SNX13: variants seen among roughly 807,000 people sequenced by gnomAD.
SNX13 encodes sorting nexin 13, also known as sorting nexin-13.
SNX13 carries 45 observed loss-of-function variants against 133.6 expected under a neutral mutation model. That is an observed-to-expected ratio of 0.34 (90% CI 0.27 to 0.43). The LOEUF (loss-of-function observed/expected upper bound fraction) is 0.43, where lower values mean the gene tolerates loss of function less well. Ranked by LOEUF, SNX13 falls within the 20% of genes least tolerant of loss-of-function variation. The pLI is 1.00. For missense variants in SNX13, 1,032 were observed against 1,145.1 expected, an observed-to-expected ratio of 0.90 and a Z score of 1.43; for synonymous variants, 414 against 373.9, an observed-to-expected ratio of 1.11 and a Z score of -1.24.
At chr7:17,822,768 G>A (rs1051383433) in intron 17 of SNX13, among the ~76,000 whole-genome samples, 23 of 152,306 alleles carry the variant, frequency 1.5e-4, no homozygotes, top group South Asian at 8.3e-4. Context: ...ACAGTGTCAA[G>A]TGTCACCACT....
chr7:17,916,268 G>C (rs1291714133), intron 1 of SNX13, among the ~76,000 whole-genome samples: 5 of 151,984 alleles, frequency 3.3e-5, no homozygotes, highest in Non-Finnish European at 7.4e-5. Context: ...ACGAGCAGAA[G>C]AATAAACTCA....
Position 17,831,251 on chromosome 7 carries a change from C to T in SNX13, c.1598-1204G>A, listed in dbSNP as rs568264719. On this transcript the variant is annotated intron_variant, in intron 15 of 25. Coordinates refer to ENST00000428135, the MANE Select transcript of SNX13 (RefSeq NM_015132.5). The stretch of plus-strand genomic sequence containing the variant: ...TAATCAAGAATTGGATGACTACCTA[C>T]AAATATTAGAAAACAAAAGAAAGCA... The T allele has an allele frequency of 1.8e-5, 18 of 983,190 alleles. No individual in the cohort carries two copies. In the African/African-American group the frequency reaches 3.0e-4, roughly 16 times the overall value. 60.9% of individuals were successfully genotyped at this position (983,190 alleles called of 1,614,324 possible).
chr7:17,799,594 T>C (rs938925731), intron 22 of SNX13, among the ~76,000 whole-genome samples: 1 of 151,796 alleles, frequency 6.6e-6, no homozygotes, highest in Admixed American at 6.6e-5. Context: ...AATAATGTAT[T>C]TTGCTTAGTT....
At chr7:17,936,744 C>T (rs912564538) in intron 1 of SNX13, among the ~76,000 whole-genome samples, 1 of 150,938 alleles carries the variant, frequency 6.6e-6, no homozygotes, top group African/African-American at 2.4e-5. Context: ...GTTGTGAAAA[C>T]TCGGATTAAT....
At chr7:17,877,350 C>T (rs749058348) in intron 5 of SNX13, among the ~76,000 whole-genome samples, 1 of 151,908 alleles carries the variant, frequency 6.6e-6, no homozygotes, top group Non-Finnish European at 1.5e-5. Context: ...AAACTTAAAC[C>T]TAGCAGTCTC....
At chr7:17,845,513 T>C (rs1354627532) in intron 12 of SNX13, 82 bp downstream of exon 12, 4 of 853,142 alleles carry the variant, frequency 4.7e-6, no homozygotes, top group Non-Finnish European at 7.2e-6. Flanking sequence ...GTTGAGATAC[T>C]AAATTTTATG....
intron 8 of SNX13, among the ~76,000 whole-genome samples, chr7:17,870,239 A>C (rs975301543): frequency 6.6e-6 from 1 of 152,214 alleles, no homozygotes; most frequent in Admixed American, 6.5e-5. Context: ...TAACGGCAAG[A>C]AAGTAGAGGC....
At chr7:17,886,567 G>C (rs189663991) in intron 5 of SNX13, among the ~76,000 whole-genome samples, 15 of 151,788 alleles carry the variant, frequency 9.9e-5, no homozygotes, top group Non-Finnish European at 1.5e-4. Context: ...TCCAGCCTGG[G>C]TGACAGAGTG....
intron 9 of SNX13, among the ~76,000 whole-genome samples, chr7:17,856,076 C>CT (rs781732478): frequency 6.6e-6 from 1 of 152,160 alleles, no homozygotes; most frequent in South Asian, 2.1e-4. Flanking sequence ...TGAAGGAAGT[C>CT]ACCACAGATG....
intron 1 of SNX13, among the ~76,000 whole-genome samples, chr7:17,924,090 A>G (rs574161860): frequency 6.6e-6 from 1 of 152,310 alleles, no homozygotes; most frequent in East Asian, 1.9e-4. Context: ...CAGAATTTAA[A>G]TAATTATCTT....
chr7:17,854,044 C>T (rs1181430773), intron 9 of SNX13, among the ~76,000 whole-genome samples: 1 of 151,802 alleles, frequency 6.6e-6, no homozygotes, highest in Admixed American at 6.6e-5. Context: ...GACAACAAAA[C>T]TGAAATTTGT....
chr7:17,830,400 T>C (rs1788359829), intron 15 of SNX13: 2 of 984,348 alleles, frequency 2.0e-6, no homozygotes, highest in Non-Finnish European at 1.2e-6. Context: ...ATGAGGCCCA[T>C]TAGGAAACAC....
At chr7:17,908,593 A>G (rs1000777958) in intron 1 of SNX13, among the ~76,000 whole-genome samples, 4 of 152,198 alleles carry the variant, frequency 2.6e-5, no homozygotes, top group African/African-American at 9.7e-5. Flanking sequence ...TTACAATTCT[A>G]CAATAGTTAT....
intron 1 of SNX13, among the ~76,000 whole-genome samples, chr7:17,927,013 T>C (rs1279934543): frequency 6.6e-6 from 1 of 151,868 alleles, no homozygotes; most frequent in African/African-American, 2.4e-5. Context: ...ATCAAAGAAA[T>C]CCAAAATTTT....
At chr7:17,890,026 A>G (rs781655031) in intron 5 of SNX13, 12 of 173,120 alleles carry the variant, frequency 6.9e-5, no homozygotes, top group South Asian at 1.8e-4. Flanking sequence ...TAGCACTCAC[A>G]TAAAACAGAG....
chr7:17,872,967 T>C (rs1204232415), intron 8 of SNX13, among the ~76,000 whole-genome samples: 1 of 152,200 alleles, frequency 6.6e-6, no homozygotes, highest in Non-Finnish European at 1.5e-5. Context: ...ACATTAATTT[T>C]CCAATTGCTA....
chr7:17,911,507 T>G (rs952993656), intron 1 of SNX13, among the ~76,000 whole-genome samples: 3 of 151,866 alleles, frequency 2.0e-5, no homozygotes, highest in African/African-American at 7.3e-5. Context: ...GGCGTAGTGG[T>G]GTATGTCTGT....
Position 17,791,055 on chromosome 7 carries a change from C to T in SNX13, c.*2990G>A, listed in dbSNP as rs1783490515. 6.6e-6 allele frequency: 1 copy of T among 151,828 alleles called. No individual in the cohort carries two copies. The highest frequency in any genetic ancestry group is 6.6e-5 in the Admixed American group (1 of 15,236). The allele number at this position is 151,828 out of a possible 1,614,324, so 9.4% of individuals were successfully genotyped here. ...ATTTACTACTAATAAAAGAATTTTC[C>T]AAGGAGTGACAAAAAGACTTTTAAA... On this transcript the variant is annotated 3_prime_UTR_variant, in exon 26 of 26. Coordinates refer to ENST00000428135, the MANE Select transcript of SNX13 (RefSeq NM_015132.5).
At chr7:17,805,250 T>TGTGTGTGTGTGTGTGTGTGC in intron 20 of SNX13, among the ~76,000 whole-genome samples, 44 of 95,592 alleles carry the variant, frequency 4.6e-4, no homozygotes, top group African/African-American at 1.1e-3. Context: ...TGTGTGTGTG[T>TGTGTGTGTGTGTGTGTGTGC]GCGTGCGCGC....
Sources: allele counts gnomAD v4.1 joint callset (sites outside exome capture counted in the v4.1 genomes callset), GRCh38; gene constraint gnomAD v4.1.1; transcripts MANE v1.5; gene names NCBI Gene and HGNC (gene_info 2026-07-23, HGNC 2026-07-21).